The following CELF2 variants were observed in gnomAD, a reference collection of about 807,000 sequenced individuals.
CELF2 encodes CUGBP Elav-like family member 2.
A neutral mutation model predicts 62.6 loss-of-function variants in CELF2; 8 were observed. The ratio of observed to expected loss-of-function variants is 0.13; its 90% CI spans 0.07 to 0.23. The LOEUF (loss-of-function observed/expected upper bound fraction) is 0.23. CELF2 is among the 10% of genes least tolerant of loss of function. The pLI, the probability that CELF2 is intolerant of heterozygous loss-of-function variation, is 1.00. For missense variants in CELF2, 333 were observed against 671.0 expected, an observed-to-expected ratio of 0.50 and a Z score of 5.56; for synonymous variants, 258 against 250.0, an observed-to-expected ratio of 1.03 and a Z score of -0.30.
Position 11,247,192 on chromosome 10 carries a change from T to A in CELF2, c.355-1961T>A, listed in dbSNP as rs1362481259. On this transcript the variant is annotated intron_variant, in intron 3 of 12. Transcript: ENST00000633077. The surrounding 1 kb of genome is among the most constrained non-coding windows in gnomAD (Gnocchi z 5.4). ...TTTCGATCTTGTTTCCTTTGTTACT[T>A]CTTCTGTACCTGACCACATACTTTC... Among the ~76,000 whole-genome samples the A allele has an allele frequency of 6.6e-6, 1 of 152,234 alleles. No homozygotes were observed. The highest frequency in any genetic ancestry group is 2.4e-5 in the African/African-American group (1 of 41,466).
chr10:10,564,135 G>C, the CELF2 span, among the ~76,000 whole-genome samples: 1 of 152,184 alleles, frequency 6.6e-6, no homozygotes, highest in Non-Finnish European at 1.5e-5. Context: ...TCTGTGTAAA[G>C]TGTAAACCAC....
At chr10:10,720,283 G>C in the CELF2 span, among the ~76,000 whole-genome samples, 1 of 152,214 alleles carries the variant, frequency 6.6e-6, no homozygotes, top group African/African-American at 2.4e-5. Context: ...TCAGGCAAAG[G>C]TAAAGGACTG....
At chr10:10,836,824 A>T (rs1191302954) in intron 1 of CELF2, among the ~76,000 whole-genome samples, 3 of 152,042 alleles carry the variant, frequency 2.0e-5, no homozygotes, top group African/African-American at 7.3e-5. Context: ...TTTAATAGAG[A>T]TGGGGTTTCA....
intron 2 of CELF2, among the ~76,000 whole-genome samples, chr10:11,202,123 C>T (rs1262956504): frequency 6.6e-6 from 1 of 152,148 alleles, no homozygotes; most frequent in Non-Finnish European, 1.5e-5. Context: ...AAGTTTACGA[C>T]TCATTTTGAC....
rs901147579 is a variant in CELF2 at position 10,968,556 on chromosome 10, G to A, written c.89+48557G>A. On this transcript the variant is annotated intron_variant, in intron 2 of 13. Transcript: ENST00000636488. ...TGTGTGAAGTGGGAGTGTACAGGGA[G>A]CAGGGTTTCTTTTAGATGACTTTTG... Among the ~76,000 whole-genome samples, 9 of 152,278 alleles carry A rather than the reference G, an allele frequency of 5.9e-5. No individual in the cohort carries two copies. In the South Asian group the frequency reaches 1.9e-3, roughly 32 times the overall value.
chr10:11,033,516 C>T (rs1210881595), intron 1 of CELF2, among the ~76,000 whole-genome samples: 2 of 152,178 alleles, frequency 1.3e-5, no homozygotes, highest in African/African-American at 4.8e-5. Context: ...CTCAGCCTTC[C>T]AAAGTGCTGG....
At chr10:10,989,924 C>T (rs947018834) in intron 2 of CELF2, among the ~76,000 whole-genome samples, 22 of 152,054 alleles carry the variant, frequency 1.4e-4, no homozygotes, top group African/African-American at 5.3e-4. Flanking sequence ...AGTGAAGTAA[C>T]AGGTCATCAC....
At chr10:10,794,861 G>C (rs2054049684), upstream of CELF2, 1 of 152,180 alleles carries the variant, frequency 6.6e-6, no homozygotes, top group African/African-American at 2.4e-5. Context: ...ATAACCAGGA[G>C]AGATGTTCTC....
the CELF2 span, among the ~76,000 whole-genome samples, chr10:10,581,260 C>A: frequency 6.6e-6 from 1 of 152,140 alleles, no homozygotes; most frequent in Non-Finnish European, 1.5e-5. Context: ...TTAAGTACAA[C>A]CTTTAGCTAA....
chr10:11,205,954 C>G (rs1239410383), intron 2 of CELF2, among the ~76,000 whole-genome samples: 1 of 152,182 alleles, frequency 6.6e-6, no homozygotes, highest in Non-Finnish European at 1.5e-5. Context: ...AAGGGTTTGC[C>G]TCTCCATTTC....
chr10:10,648,646 C>A, the CELF2 span, among the ~76,000 whole-genome samples: 2 of 152,156 alleles, frequency 1.3e-5, no homozygotes, highest in African/African-American at 2.4e-5. Flanking sequence ...AAGCAATGGT[C>A]TGTAGCTTAA....
intron 1 of CELF2, among the ~76,000 whole-genome samples, chr10:11,151,746 T>C (rs146091105): frequency 6.6e-6 from 1 of 152,130 alleles, no homozygotes; most frequent in Non-Finnish European, 1.5e-5. Context: ...TTATGGTGAA[T>C]TGAGTCAAGA....
At chr10:10,970,926 T>C (rs1477176943) in intron 2 of CELF2, 1 of 151,440 alleles carries the variant, frequency 6.6e-6, no homozygotes, top group African/African-American at 2.4e-5. Context: ...TAATTTAAAA[T>C]TCAAAAAAAA....
At chr10:10,764,261 A>T in the CELF2 span, among the ~76,000 whole-genome samples, 1 of 152,240 alleles carries the variant, frequency 6.6e-6, no homozygotes, top group African/African-American at 2.4e-5. Flanking sequence ...TCCTTTAAAA[A>T]TTTCCAATCA....
At chr10:11,251,997 C>T (rs11595631) in intron 4 of CELF2, among the ~76,000 whole-genome samples, 11,573 of 152,262 alleles carry the variant, frequency 0.076, 610 homozygotes, top group Admixed American at 0.19. Flanking sequence ...TTTTGCTTTG[C>T]GGATTGACCT....
chr10:11,272,392 C>T (rs1332989036), intron 7 of CELF2, among the ~76,000 whole-genome samples: 2 of 152,180 alleles, frequency 1.3e-5, no homozygotes, highest in Admixed American at 1.3e-4. Flanking sequence ...TGCTCACAGT[C>T]GATTGGTTTA....
chr10:11,004,420 C>T (rs527828507), upstream of CELF2, among the ~76,000 whole-genome samples: 33 of 143,628 alleles, frequency 2.3e-4, no homozygotes, highest in African/African-American at 5.8e-4. This position sits in a 1 kb window ranked among gnomAD's most constrained non-coding sequence, Gnocchi z 5.0. Context: ...TGTGTGCGCG[C>T]GCGTGTGTGT....
At chr10:10,899,656 G>T (rs1478383628) in intron 1 of CELF2, among the ~76,000 whole-genome samples, 3 of 152,178 alleles carry the variant, frequency 2.0e-5, no homozygotes, top group Admixed American at 6.5e-5. Flanking sequence ...AATTTATAAA[G>T]AAAAGAGGTT....
At chr10:10,504,277 T>A in the CELF2 span, among the ~76,000 whole-genome samples, 94 of 152,232 alleles carry the variant, frequency 6.2e-4, no homozygotes, top group African/African-American at 2.2e-3. Flanking sequence ...ACAAATTCTC[T>A]TAGTTTCCCT....
Sources: allele counts gnomAD v4.1 joint callset (sites outside exome capture counted in the v4.1 genomes callset), GRCh38; gene constraint gnomAD v4.1.1; non-coding constraint Gnocchi (gnomAD v3.1); transcripts MANE v1.5; gene names NCBI Gene and HGNC (gene_info 2026-07-23, HGNC 2026-07-21).